The following TGM2 variants were observed in gnomAD, a reference collection of about 807,000 sequenced individuals.
TGM2 encodes protein-glutamine gamma-glutamyltransferase 2.
Under a neutral mutation model 75.6 loss-of-function variants are expected in TGM2, and 53 were observed. That is an observed-to-expected ratio of 0.70 (90% CI 0.56 to 0.88). TGM2 has a LOEUF of 0.88. Among genes scored for constraint, TGM2 ranks in the 40% least tolerant of loss-of-function variants. The pLI is 0.00. For synonymous variants in TGM2, 374 were observed against 381.1 expected (o/e 0.98, Z 0.22); for missense variants, 842 against 928.5 (o/e 0.91, Z 1.21).
At chr20:38,153,562 T>C (rs190150963) in intron 3 of TGM2, among the ~76,000 whole-genome samples, 1 of 110,534 alleles carries the variant, frequency 9.0e-6, no homozygotes, top group East Asian at 3.6e-4. Context: ...AATGAGCAGA[T>C]GTATGCAGAC....
Position 38,130,362 on chromosome 20 carries a change from G to T in TGM2, c.1921C>A (p.Pro641Thr). The change falls in exon 13 of 13, where the codon CCC becomes ACC. Residue 641 changes from proline to threonine, a missense_variant. Physicochemically the swap from Pro to Thr is conservative, Grantham distance 38. Transcript: ENST00000361475. ...TTAACTTCCTCCCCTGCCTCCACGG[G>T]GTCTGGGCTGCAGGGAGAGAGGGGG... The part of the protein sequence containing the change: ...EEQKTVEIPD[P>T]VEAGEEVKVR... 1 of 1,590,680 alleles carries T rather than the reference G, an allele frequency of 6.3e-7. No individual in the cohort carries two copies.
intron 8 of TGM2, 139 bp from the exon 9 acceptor site, chr20:38,139,793 G>A: frequency 2.6e-6 from 3 of 1,158,862 alleles, no homozygotes; most frequent in Admixed American, 2.1e-5. Context: ...CCACTTCCAG[G>A]AGGGCACCAC....
chr20:38,156,314 C>T (rs1359521133), intron 2 of TGM2, among the ~76,000 whole-genome samples: 1 of 152,254 alleles, frequency 6.6e-6, no homozygotes, highest in Non-Finnish European at 1.5e-5. Context: ...CATAAAAAGC[C>T]ACAGGCATAC....
chr20:38,136,541 G>A (rs1453239161), intron 10 of TGM2, among the ~76,000 whole-genome samples: 1 of 152,204 alleles, frequency 6.6e-6, no homozygotes, highest in Non-Finnish European at 1.5e-5. Context: ...TGACCCCCAG[G>A]AGCCTGATGG....
chr20:38,142,111 GA>G lies in TGM2; in HGVS notation c.947del (p.Phe316SerfsTer15). 1 of 1,614,162 alleles carries G rather than the reference GA, an allele frequency of 6.2e-7. No homozygotes were observed. Among genetic ancestry groups the G allele is most frequent in the Non-Finnish European group, 8.5e-7 (1 of 1,180,034 alleles). On this transcript the variant is annotated frameshift_variant, in exon 7 of 13. Coordinates refer to ENST00000361475, the MANE Select transcript of TGM2 (RefSeq NM_004613.4). LOFTEE classifies it high-confidence loss of function. ...CCTGGATCTCCCCAAACTCATTGCG[GA>G]AGTACTCGATGAGAAGGTTGCTGTT... ...DQNSNLLIEY[F>X]RNEFGEIQGD...
rs528151675 is a variant in TGM2 at position 38,155,516 on chromosome 20, A to C, written c.433+331T>G. Among the ~76,000 whole-genome samples, 11 of 151,038 alleles carry C rather than the reference A, an allele frequency of 7.3e-5. No homozygotes were observed. The East Asian group carries it at 2.1e-3, about 29-fold the overall frequency. The stretch of plus-strand genomic sequence containing the variant: ...ACTACCACACCCAGCTACTGTTAAA[A>C]TTTTTTTTTGTAGAGACAGGGTCTT... On this transcript the variant is annotated intron_variant, in intron 3 of 12. Transcript: ENST00000361475.
chr20:38,134,285 A>T (rs879692237), intron 10 of TGM2, among the ~76,000 whole-genome samples: 1 of 152,132 alleles, frequency 6.6e-6, no homozygotes, highest in South Asian at 2.1e-4. Context: ...ATCTGCTCCA[A>T]CCTCTCATCA....
chr20:38,154,135 T>G (rs1007049752), intron 3 of TGM2, among the ~76,000 whole-genome samples: 1 of 152,194 alleles, frequency 6.6e-6, no homozygotes, highest in Non-Finnish European at 1.5e-5. Flanking sequence ...GCACCTGGGC[T>G]TGAAGCTTTT....
At position 38,142,056 on chromosome 20, in the gene TGM2, C is replaced by T; in HGVS notation, c.995+8G>A. ...TGGGCTCCGATCCCACCCTGGCCCCCACCTCACCAGATCATCTCGCTCTTG... is the reference window on the plus strand; with the variant it reads ...TGGGCTCCGATCCCACCCTGGCCCCTACCTCACCAGATCATCTCGCTCTTG... On this transcript the variant is annotated splice_region_variant and intron_variant, in intron 7 of 12. Coordinates refer to ENST00000361475, the MANE Select transcript of TGM2 (RefSeq NM_004613.4). 6.2e-7 allele frequency: 1 copy of T among 1,614,132 alleles called. No individual in the cohort carries two copies. Among genetic ancestry groups the T allele is most frequent in the Non-Finnish European group, 8.5e-7 (1 of 1,180,022 alleles).
chr20:38,138,716 A>G (rs2074931921), intron 9 of TGM2, among the ~76,000 whole-genome samples: 2 of 152,174 alleles, frequency 1.3e-5, no homozygotes, highest in Admixed American at 1.3e-4. Flanking sequence ...AGTGCCTACA[A>G]CAGTGCTTGG....
chr20:38,130,506 C>G, intron 12 of TGM2, 137 bp from the exon 13 acceptor site: 1 of 960,234 alleles, frequency 1.0e-6, no homozygotes, highest in Non-Finnish European at 1.5e-6. Context: ...CGGCCCTCTG[C>G]GGGGCCTGGA....
intron 4 of TGM2, 65 bp from the exon 5 acceptor site, chr20:38,148,154 G>A (rs979668505): frequency 1.2e-5 from 19 of 1,605,994 alleles, no homozygotes; most frequent in South Asian, 2.2e-5. Context: ...GGAAGCCTGC[G>A]TTGAAGCCTC....
rs1385035247 is a variant in TGM2, at chr20:38,165,260, C to G, written c.-62G>C. On this transcript the variant is annotated 5_prime_UTR_variant, in exon 1 of 13. Transcript: ENST00000361475. ...GAGACCCTCCAAGTGCGACCACTGGCGGCTGGCACTGCCGAGGCGGAGAGC... is the reference window on the plus strand; with the variant it reads ...GAGACCCTCCAAGTGCGACCACTGGGGGCTGGCACTGCCGAGGCGGAGAGC... The G allele has an allele frequency of 1.1e-5, 18 of 1,609,280 alleles. No individual in the cohort carries two copies. Among genetic ancestry groups the G allele is most frequent in the Non-Finnish European group, 1.4e-5 (16 of 1,179,130 alleles).
At chr20:38,152,794 C>T (rs1330689672) in intron 3 of TGM2, among the ~76,000 whole-genome samples, 1 of 152,248 alleles carries the variant, frequency 6.6e-6, no homozygotes, top group African/African-American at 2.4e-5. Flanking sequence ...GTTCCCGCCC[C>T]GGGATGTGGG....
upstream of TGM2, among the ~76,000 whole-genome samples, chr20:38,167,964 A>T (rs530871942): frequency 9.2e-5 from 14 of 152,326 alleles, no homozygotes; most frequent in South Asian, 2.7e-3. Context: ...CCAGAGTGTC[A>T]TGAGGACTGA....
chr20:38,147,124 A>G (rs1413098207), intron 5 of TGM2, among the ~76,000 whole-genome samples: 1 of 152,122 alleles, frequency 6.6e-6, no homozygotes, highest in African/African-American at 2.4e-5. Context: ...GGCAGGGTCA[A>G]GGACTTGAAC....
chr20:38,138,191 T>C lies in TGM2; in HGVS notation c.1537A>G (p.Thr513Ala), dbSNP rs967688793. The C allele has an allele frequency of 3.7e-6, 6 of 1,608,896 alleles. No individual in the cohort carries two copies. Among genetic ancestry groups the C allele is most frequent in the Non-Finnish European group, 5.1e-6 (6 of 1,177,676 alleles). Residue 513 changes from threonine to alanine, a missense_variant, in exon 10 of 13, where the codon ACC becomes GCC. Transcript: ENST00000361475. ...YVCRLLLCAR[T>A]VSYNGILGPE... Reference sequence around the variant, plus strand: ...CCCAAGATCCCATTGTAGCTGACGGTGCGGGCACAGAGCAGGAGGCGGCAG... The same window carrying C: ...CCCAAGATCCCATTGTAGCTGACGGCGCGGGCACAGAGCAGGAGGCGGCAG...
At chr20:38,141,517 C>T (rs1327647153) in intron 7 of TGM2, 132 bp from the exon 8 acceptor site, 4 of 738,690 alleles carry the variant, frequency 5.4e-6, no homozygotes, top group Non-Finnish European at 7.1e-6. Context: ...AGGGTGTCTC[C>T]CCACTGCCTT....
intron 7 of TGM2, 53 bp from the exon 8 acceptor site, chr20:38,141,438 C>T: frequency 7.6e-7 from 1 of 1,321,112 alleles, no homozygotes; most frequent in Non-Finnish European, 1.1e-6. Context: ...ACATTCATCG[C>T]CACCTCCCAC....
Sources: allele counts gnomAD v4.1 joint callset (sites outside exome capture counted in the v4.1 genomes callset), GRCh38; gene constraint gnomAD v4.1.1; transcripts MANE v1.5; gene names NCBI Gene and HGNC (gene_info 2026-07-23, HGNC 2026-07-21).